The following ADH1B variants were observed in gnomAD, a reference collection of about 807,000 sequenced individuals.
The protein encoded by ADH1B is alcohol dehydrogenase 1B (class I), beta polypeptide.
In ADH1B, 29 loss-of-function variants were observed where a neutral mutation model predicts 34.6. That is an observed-to-expected ratio of 0.84 (90% CI 0.62 to 1.14). The LOEUF (loss-of-function observed/expected upper bound fraction) is 1.14. Among genes scored for constraint, ADH1B ranks in the 50% most tolerant of loss-of-function variants. The pLI is 0.00. For synonymous variants in ADH1B, 170 were observed against 175.5 expected (o/e 0.97, Z 0.25); for missense variants, 424 against 468.4 (o/e 0.91, Z 0.87).
rs771467302 is a variant in ADH1B, at chr4:99,318,896, C to G, written c.19-10G>C. The G allele has an allele frequency of 6.2e-7, 1 of 1,610,802 alleles. No individual in the cohort carries two copies. The highest frequency in any genetic ancestry group is 8.5e-7 in the Non-Finnish European group (1 of 1,177,044). ...CTTTGCATTTGATTACCTAGAAAAT[C>G]AAACAGAGAGATGGTGACAGTGTTT... On this transcript the variant is annotated splice_polypyrimidine_tract_variant and intron_variant, in intron 1 of 8. Transcript: ENST00000305046.
chr4:99,318,970 A>G (rs376664416), intron 1 of ADH1B, 84 bp from the exon 2 acceptor site: 129 of 1,417,980 alleles, frequency 9.1e-5, no homozygotes, highest in Non-Finnish European at 1.2e-4. Flanking sequence ...TGTACATGTA[A>G]TATTGCGTCC....
intron 8 of ADH1B, 96 bp downstream of exon 8, chr4:99,310,669 T>C: frequency 6.7e-7 from 1 of 1,482,960 alleles, no homozygotes; most frequent in South Asian, 1.4e-5. Context: ...ACCAAGGGAC[T>C]CTATATTTTC....
intron 3 of ADH1B, chr4:99,317,473 G>A (rs1021798697): frequency 1.3e-5 from 2 of 152,146 alleles, no homozygotes; most frequent in African/African-American, 4.8e-5. Flanking sequence ...TTCCTTCTAC[G>A]TTTCTTTCAT....
chr4:99,315,571 A>T, intron 5 of ADH1B: 1 of 382,862 alleles, frequency 2.6e-6, no homozygotes, highest in Non-Finnish European at 4.9e-6. Context: ...AGCAGAACCT[A>T]TGGTGCCTGA....
rs1000877928 is a variant in ADH1B, at chr4:99,307,478, T to C, written c.*362A>G. The C allele has an allele frequency of 1.3e-5, 4 of 315,236 alleles. No homozygotes were observed. Among genetic ancestry groups the C allele is most frequent in the African/African-American group, 9.0e-5 (4 of 44,358 alleles). 19.5% of individuals were successfully genotyped at this position (315,236 alleles called of 1,614,324 possible). Reference sequence around the variant, plus strand: ...CCAGCATGTGTATGTTCAGGGCAAGTAAAAGGGTCCCCTCCACTGGGATTC... The same window carrying C: ...CCAGCATGTGTATGTTCAGGGCAAGCAAAAGGGTCCCCTCCACTGGGATTC... On this transcript the variant is annotated 3_prime_UTR_variant, in exon 9 of 9. Coordinates refer to ENST00000305046, the MANE Select transcript of ADH1B (RefSeq NM_000668.6).
chr4:99,309,594 A>G (rs776213777), intron 8 of ADH1B, among the ~76,000 whole-genome samples: 3 of 152,166 alleles, frequency 2.0e-5, no homozygotes, highest in Non-Finnish European at 2.9e-5. Context: ...GTCAATGGTA[A>G]TAATAATGAC....
intron 5 of ADH1B, chr4:99,314,310 C>A (rs1733826058): frequency 1.5e-6 from 1 of 671,346 alleles, no homozygotes; most frequent in Non-Finnish European, 2.4e-6. Context: ...GGGAGCTTTA[C>A]AAAATATCCC....
chr4:99,319,252 T>C, intron 1 of ADH1B: 1 of 332,428 alleles, frequency 3.0e-6, no homozygotes, highest in South Asian at 2.8e-5. Flanking sequence ...CACCTTTATT[T>C]TGCTGACAGA....
intron 6 of ADH1B, chr4:99,313,513 A>G: frequency 2.9e-6 from 1 of 347,358 alleles, no homozygotes; most frequent in East Asian, 5.0e-5. Context: ...AATTTATATT[A>G]TTTATGTTTA....
In ADH1B at chr4:99,305,263, A is replaced by C. The variant is rs964276589; in HGVS notation, c.*2577T>G. The C allele has an allele frequency of 6.6e-6, 1 of 151,048 alleles. No individual in the cohort carries two copies. Among genetic ancestry groups the C allele is most frequent in the Non-Finnish European group, 1.5e-5 (1 of 67,872 alleles). 9.4% of individuals were successfully genotyped at this position (151,048 alleles called of 1,614,324 possible). A position where few individuals can be genotyped will look rare whatever the true frequency, so the allele number is the denominator to read the frequency against. ...GAATTTGAAATTTTTCTCCATGCTC[A>C]GAATTTCATTTTAAATATGTTCGTG... On this transcript the variant is annotated 3_prime_UTR_variant, in exon 9 of 9. Coordinates refer to ENST00000305046, the MANE Select transcript of ADH1B (RefSeq NM_000668.6).
chr4:99,317,935 C>T (rs796495860), intron 3 of ADH1B, 111 bp downstream of exon 3: 15 of 1,526,640 alleles, frequency 9.8e-6, no homozygotes, highest in African/African-American at 6.9e-5. Flanking sequence ...GTCCTGGCTG[C>T]GCGGTGACCT....
intron 7 of ADH1B, 42 bp downstream of exon 7, chr4:99,311,476 ATAT>A: frequency 6.3e-7 from 1 of 1,599,006 alleles, no homozygotes; most frequent in Non-Finnish European, 8.5e-7. Flanking sequence ...TTAATGAGAT[ATAT>A]TGAGATTAAT....
At chr4:99,318,661 G>T in intron 2 of ADH1B, 124 bp downstream of exon 2, 1 of 939,010 alleles carries the variant, frequency 1.1e-6, no homozygotes, top group Non-Finnish European at 1.6e-6. Flanking sequence ...GACAACAAAT[G>T]TAATTTTATC....
intron 6 of ADH1B, among the ~76,000 whole-genome samples, chr4:99,312,040 A>G (rs778560918): frequency 2.0e-5 from 3 of 152,162 alleles, no homozygotes; most frequent in Non-Finnish European, 4.4e-5. Flanking sequence ...CATTTCTCAA[A>G]CGGACATGTT....
At chr4:99,320,661 G>T (rs1200487858) in intron 1 of ADH1B, 3 of 348,910 alleles carry the variant, frequency 8.6e-6, no homozygotes, top group Non-Finnish European at 1.3e-5. Context: ...TTGTATCATT[G>T]ATTTTCTGTA....
At chr4:99,312,908 C>T (rs900042344) in intron 6 of ADH1B, among the ~76,000 whole-genome samples, 5 of 152,078 alleles carry the variant, frequency 3.3e-5, no homozygotes, top group African/African-American at 7.2e-5. Context: ...ATATGACAGG[C>T]GGCACTGTGC....
intron 6 of ADH1B, among the ~76,000 whole-genome samples, chr4:99,312,019 A>G (rs1218000456): frequency 6.6e-6 from 1 of 152,164 alleles, no homozygotes; most frequent in Non-Finnish European, 1.5e-5. Context: ...GTGGATTCCT[A>G]TTCTACTGTC....
In ADH1B at chr4:99,311,637, CAACAT is replaced by C. The variant is rs1001707692; in HGVS notation, c.843_847del (p.Cys282SerfsTer2). On this transcript the variant is annotated frameshift_variant, in exon 7 of 9. Transcript: ENST00000305046. LOFTEE classifies it high-confidence loss of function. ...GACGCTTGTGCCACATGCCTCATGA[CAACAT>C]AACAGGGAAGCCATCTGGAATAAAG... is the stretch of plus-strand genomic sequence containing the variant. 9.9e-6 allele frequency: 16 copies of C among 1,613,670 alleles called. No homozygotes were observed. The highest frequency in any genetic ancestry group is 4.0e-5 in the African/African-American group (3 of 74,886).
chr4:99,311,269 CAGATGG>C (rs1733747386), intron 7 of ADH1B, among the ~76,000 whole-genome samples: 1 of 152,132 alleles, frequency 6.6e-6, no homozygotes, highest in Admixed American at 6.5e-5. Context: ...AGTACAAAAA[CAGATGG>C]AGATTAAAGG....
Sources: allele counts gnomAD v4.1 joint callset (sites outside exome capture counted in the v4.1 genomes callset), GRCh38; gene constraint gnomAD v4.1.1; transcripts MANE v1.5; gene names NCBI Gene and HGNC (gene_info 2026-07-23, HGNC 2026-07-21).